Variants in DGKI observed in about 807,000 individuals in gnomAD.
DGKI encodes the protein diacylglycerol kinase iota.
Under a neutral mutation model 147.5 loss-of-function variants are expected in DGKI, and 55 were observed. The ratio of observed to expected loss-of-function variants is 0.37; its 90% confidence interval spans 0.30 to 0.47. The LOEUF (loss-of-function observed/expected upper bound fraction) is 0.47. Ranked by LOEUF, DGKI falls within the 20% of genes least tolerant of loss-of-function variation. The pLI is 1.00. For synonymous variants in DGKI, 469 were observed against 477.1 expected (o/e 0.98, Z 0.22); for missense variants, 1,007 against 1,323.8 (o/e 0.76, Z 3.71).
intron 2 of DGKI, among the ~76,000 whole-genome samples, chr7:137,681,089 A>C (rs935559716): frequency 6.6e-6 from 1 of 152,202 alleles, no homozygotes; most frequent in African/African-American, 2.4e-5. Flanking sequence ...CTTCAGGACA[A>C]CGCACAGGGA....
At position 137,472,385 on chromosome 7, in the gene DGKI, A is replaced by G. The variant is rs1399779320; in HGVS notation, c.2374-2766T>C. 6.4e-5 allele frequency among the ~76,000 whole-genome samples: 7 copies of G among 108,982 alleles called. 2 individuals carry two copies. The highest frequency in any genetic ancestry group is 2.0e-4 in the Admixed American group (2 of 9,980). The allele number at this position is 108,982 out of a possible 152,430, so 71.5% of individuals were successfully genotyped here. On this transcript the variant is annotated intron_variant, in intron 23 of 32. Transcript: ENST00000614521. ...ATACATATAATTATTATATGTATAT[A>G]TACATATTATAATTATTATATGTAT...
At chr7:137,410,871 T>G (rs781499217) in intron 29 of DGKI, among the ~76,000 whole-genome samples, 24 of 152,226 alleles carry the variant, frequency 1.6e-4, no homozygotes, top group Non-Finnish European at 2.6e-4. Context: ...AACTCATCAA[T>G]ATACTGCTTG....
rs1563125792 is a variant in DGKI, at chr7:137,638,604, A to ATATATACATATATGTATGTGTG, written c.804+6867_804+6868insCACACATACATATATGTATATA. ...TATATACACATATATACATATATGT[A>ATATATACATATATGTATGTGTG]TATATATACACACACACATATATAT... On this transcript the variant is annotated intron_variant, in intron 6 of 32. Coordinates refer to ENST00000614521, the MANE Select transcript of DGKI (RefSeq NM_001321708.2). 3.5e-4 allele frequency among the ~76,000 whole-genome samples: 2 copies of ATATATACATATATGTATGTGTG among 5,686 alleles called. 1 individual carries two copies. Among genetic ancestry groups the ATATATACATATATGTATGTGTG allele is most frequent in the Non-Finnish European group, 7.0e-4 (2 of 2,850 alleles). 3.7% of individuals were successfully genotyped at this position (5,686 alleles called of 152,430 possible). A position where few individuals can be genotyped will look rare whatever the true frequency, so the allele number is the denominator to read the frequency against.
chr7:137,640,689 T>C (rs1055556737), intron 6 of DGKI, among the ~76,000 whole-genome samples: 1 of 152,160 alleles, frequency 6.6e-6, no homozygotes, highest in African/African-American at 2.4e-5. Flanking sequence ...TTATACTCTG[T>C]AATCCCTTTC....
intron 10 of DGKI, among the ~76,000 whole-genome samples, chr7:137,608,605 A>C (rs1172144457): frequency 6.6e-6 from 1 of 152,180 alleles, no homozygotes; most frequent in Non-Finnish European, 1.5e-5. Context: ...AGAAAGAAAT[A>C]AAAAGAAGTT....
chr7:137,493,198 C>G (rs950491311), intron 21 of DGKI, among the ~76,000 whole-genome samples: 1 of 152,178 alleles, frequency 6.6e-6, no homozygotes, highest in Non-Finnish European at 1.5e-5. Context: ...AGCCCCACTC[C>G]CTGCCCTATG....
At chr7:137,704,765 A>G (rs896018733) in intron 1 of DGKI, among the ~76,000 whole-genome samples, 28 of 152,226 alleles carry the variant, frequency 1.8e-4, no homozygotes, top group African/African-American at 6.5e-4. Flanking sequence ...TCTTGAAAGC[A>G]GCTAGAGGAA....
chr7:137,485,223 A>G (rs780738015), intron 23 of DGKI, 151 bp downstream of exon 23: 1 of 673,058 alleles, frequency 1.5e-6, no homozygotes, highest in Non-Finnish European at 2.5e-6. Context: ...AGGAAAATGC[A>G]AAAGAATCAG....
At chr7:137,737,863 G>C (rs1450035040) in intron 1 of DGKI, among the ~76,000 whole-genome samples, 1 of 152,048 alleles carries the variant, frequency 6.6e-6, no homozygotes, top group Non-Finnish European at 1.5e-5. Flanking sequence ...GGGAATCTGA[G>C]ACTTCACCAC....
intron 1 of DGKI, among the ~76,000 whole-genome samples, chr7:137,714,293 A>C (rs934754388): frequency 1.3e-5 from 2 of 152,226 alleles, no homozygotes; most frequent in African/African-American, 4.8e-5. Flanking sequence ...GGTTAAAAAA[A>C]ATGTTTAAAA....
intron 30 of DGKI, among the ~76,000 whole-genome samples, chr7:137,403,328 T>A (rs1389496024): frequency 6.6e-6 from 1 of 152,040 alleles, no homozygotes; most frequent in Admixed American, 6.5e-5. Flanking sequence ...CCGAAAAAAA[T>A]TCAAGCCTCC....
In DGKI at chr7:137,384,712, G is replaced by C. The variant is rs1035861857; in HGVS notation, c.*6508C>G. On this transcript the variant is annotated 3_prime_UTR_variant, in exon 33 of 33. Transcript: ENST00000614521. ...AACGCTAAAGCACTTTTTAATTCTT[G>C]AAACTGTTCTTAACAAACAGTATAG... 6.6e-6 allele frequency: 1 copy of C among 151,988 alleles called. No individual in the cohort carries two copies. Among genetic ancestry groups the C allele is most frequent in the Non-Finnish European group, 1.5e-5 (1 of 67,960 alleles). The allele number at this position is 151,988 out of a possible 1,614,324, so 9.4% of individuals were successfully genotyped here.
chr7:137,693,184 TG>T (rs1319852337), intron 1 of DGKI, among the ~76,000 whole-genome samples: 1 of 152,154 alleles, frequency 6.6e-6, no homozygotes, highest in African/African-American at 2.4e-5. Flanking sequence ...TAGTAGAACT[TG>T]GTGTGTGGTT....
intron 5 of DGKI, among the ~76,000 whole-genome samples, chr7:137,647,266 GA>G (rs1445601710): frequency 6.6e-6 from 1 of 152,174 alleles, no homozygotes; most frequent in Non-Finnish European, 1.5e-5. Flanking sequence ...TTGAAATATT[GA>G]AATATATGTT....
At chr7:137,465,632 C>T (rs949027851) in intron 26 of DGKI, among the ~76,000 whole-genome samples, 3 of 152,160 alleles carry the variant, frequency 2.0e-5, no homozygotes, top group East Asian at 1.9e-4. Flanking sequence ...TTACTACAAA[C>T]GTACAAGCAC....
At chr7:137,828,223 T>C (rs1280485681) in intron 1 of DGKI, among the ~76,000 whole-genome samples, 1 of 152,238 alleles carries the variant, frequency 6.6e-6, no homozygotes, top group East Asian at 1.9e-4. Flanking sequence ...CTTTCTCCAA[T>C]AAGTTATAAG....
At chr7:137,726,322 C>T (rs1233151236) in intron 1 of DGKI, among the ~76,000 whole-genome samples, 1 of 152,198 alleles carries the variant, frequency 6.6e-6, no homozygotes, top group Non-Finnish European at 1.5e-5. Context: ...GAGCCATGTC[C>T]ACATAGATTG....
intron 23 of DGKI, among the ~76,000 whole-genome samples, chr7:137,484,752 A>G (rs1815495167): frequency 6.6e-6 from 1 of 152,086 alleles, no homozygotes; most frequent in South Asian, 2.1e-4. Flanking sequence ...CAGACTTTAT[A>G]TGGGCCATAG....
rs1024528964 is a variant in DGKI at position 137,389,643 on chromosome 7, C to G, written c.*1577G>C. The G allele has an allele frequency of 2.0e-4, 30 of 152,168 alleles. No individual in the cohort carries two copies. Among genetic ancestry groups the G allele is most frequent in the African/African-American group, 7.2e-4 (30 of 41,506 alleles). 9.4% of individuals were successfully genotyped at this position (152,168 alleles called of 1,614,324 possible). On this transcript the variant is annotated 3_prime_UTR_variant, in exon 33 of 33. Transcript: ENST00000614521. ...CACCTACTTTTATTTTTGACTTACC[C>G]CCAAGTCAAGTAGATATTTGGACAG...
Sources: allele counts gnomAD v4.1 joint callset (sites outside exome capture counted in the v4.1 genomes callset), GRCh38; gene constraint gnomAD v4.1.1; transcripts MANE v1.5; gene names NCBI Gene and HGNC (gene_info 2026-07-23, HGNC 2026-07-21).